Variants in ZNF70 observed in about 807,000 individuals in gnomAD.
ZNF70 encodes the protein zinc finger protein N27C7-1.
A neutral mutation model predicts 37.7 loss-of-function variants in ZNF70; 18 were observed. The ratio of observed to expected loss-of-function variants is 0.48; its 90% CI spans 0.33 to 0.71. The LOEUF (loss-of-function observed/expected upper bound fraction) is 0.71, where lower values mean the gene tolerates loss of function less well. Ranked by LOEUF, ZNF70 falls within the 30% of genes least tolerant of loss-of-function variation. The probability of loss-of-function intolerance (pLI) is 0.02; values close to 1 mark genes in which losing one functional copy is unlikely to be tolerated. For synonymous variants in ZNF70, 219 were observed against 220.1 expected (o/e 0.99, Z 0.05); for missense variants, 506 against 568.6 (o/e 0.89, Z 1.12).
In ZNF70 at chr22:23,742,663, C is replaced by G. The variant is rs370004093; in HGVS notation, c.*1137G>C. On this transcript the variant is annotated 3_prime_UTR_variant, in exon 2 of 2. Coordinates refer to ENST00000341976, the MANE Select transcript of ZNF70 (RefSeq NM_021916.4). ...GTGGGGCAGGGGTCACTCTGGGTCT[C>G]TGTCCTCAGTCACCATGACTGCTCA... 31 of 152,532 alleles carry G rather than the reference C, an allele frequency of 2.0e-4. No homozygotes were observed. Among genetic ancestry groups the G allele is most frequent in the African/African-American group, 7.2e-4 (30 of 41,596 alleles). The allele number at this position is 152,532 out of a possible 1,614,324, so 9.4% of individuals were successfully genotyped here.
chr22:23,743,450 T>A lies in ZNF70; in HGVS notation c.*350A>T, dbSNP rs779947947. On this transcript the variant is annotated 3_prime_UTR_variant, in exon 2 of 2. Coordinates refer to ENST00000341976, the MANE Select transcript of ZNF70 (RefSeq NM_021916.4). ...TTTTCCTGGGTTTAATTCAACTTTC[T>A]CCCTCTTGGCATTTATTCTTCTAGA... 3 of 238,878 alleles carry A rather than the reference T, an allele frequency of 1.3e-5. No homozygotes were observed. Among genetic ancestry groups the A allele is most frequent in the Non-Finnish European group, 2.4e-5 (3 of 123,498 alleles). 14.8% of individuals were successfully genotyped at this position (238,878 alleles called of 1,614,324 possible).
intron 1 of ZNF70, among the ~76,000 whole-genome samples, chr22:23,746,062 G>C (rs1212353206): frequency 1.3e-5 from 2 of 152,194 alleles, no homozygotes; most frequent in Non-Finnish European, 2.9e-5. Flanking sequence ...TCAGGCTTCA[G>C]AGCTACCTCC....
At position 23,739,653 on chromosome 22, in the gene ZNF70, T is replaced by A. The variant is rs1235800443; in HGVS notation, c.*4147A>T. The stretch of plus-strand genomic sequence containing the variant: ...TTGCCCTGTCACCCAGGCTGAAGGG[T>A]AGTGGCACAATCTTGGCTCACTGCA... On this transcript the variant is annotated 3_prime_UTR_variant, in exon 2 of 2. Coordinates refer to ENST00000341976, the MANE Select transcript of ZNF70 (RefSeq NM_021916.4). 7.2e-6 allele frequency: 1 copy of A among 139,538 alleles called. No homozygotes were observed. The highest frequency in any genetic ancestry group is 7.2e-5 in the Admixed American group (1 of 13,914). 8.6% of individuals were successfully genotyped at this position (139,538 alleles called of 1,614,324 possible). A position where few individuals can be genotyped will look rare whatever the true frequency, so the allele number is the denominator to read the frequency against.
At position 23,743,721 on chromosome 22, in the gene ZNF70, T is replaced by C. The variant is rs980100542; in HGVS notation, c.*79A>G. 24 of 1,519,466 alleles carry C rather than the reference T, an allele frequency of 1.6e-5. No individual in the cohort carries two copies. In the Admixed American group the frequency reaches 4.9e-4, roughly 31 times the overall value. The allele number at this position is 1,519,466 out of a possible 1,614,324, so 94.1% of individuals were successfully genotyped here. Reference sequence around the variant, plus strand: ...TTCCATTCAGCATCAGGGAGGTAGGTGGGGTCTTGGAGACCACGCGACGTG... The same window carrying C: ...TTCCATTCAGCATCAGGGAGGTAGGCGGGGTCTTGGAGACCACGCGACGTG... On this transcript the variant is annotated 3_prime_UTR_variant, in exon 2 of 2. Transcript: ENST00000341976.
rs1924951687 is a variant in ZNF70, at chr22:23,743,481, G to C, written c.*319C>G. On this transcript the variant is annotated 3_prime_UTR_variant, in exon 2 of 2. Coordinates refer to ENST00000341976, the MANE Select transcript of ZNF70 (RefSeq NM_021916.4). ...TTGGCATTTATTCTTCTAGATTCTGGGAAATGTGAAGACAGGGCAAAATGA... is the reference window on the plus strand; with the variant it reads ...TTGGCATTTATTCTTCTAGATTCTGCGAAATGTGAAGACAGGGCAAAATGA... 2 of 296,756 alleles carry C rather than the reference G, an allele frequency of 6.7e-6. No individual in the cohort carries two copies. The highest frequency in any genetic ancestry group is 1.2e-5 in the Non-Finnish European group (2 of 160,384). The allele number at this position is 296,756 out of a possible 1,614,324, so 18.4% of individuals were successfully genotyped here.
At position 23,744,016 on chromosome 22, in the gene ZNF70, GT is replaced by G; in HGVS notation, c.1124del (p.His375ProfsTer5). 6.2e-7 allele frequency: 1 copy of G among 1,614,086 alleles called. No homozygotes were observed. Among genetic ancestry groups the G allele is most frequent in the Non-Finnish European group, 8.5e-7 (1 of 1,180,012 alleles). On this transcript the variant is annotated frameshift_variant, in exon 2 of 2. Coordinates refer to ENST00000341976, the MANE Select transcript of ZNF70 (RefSeq NM_021916.4). LOFTEE classifies it high-confidence loss of function. ...TCTGGTGCTGGATCAGCGCAGAGCT[GT>G]GGCAAAAGGCCTTGCCACACTGACA... ...ECCQCGKAFC[H>X]SSALIQHQRI...
Position 23,743,722 on chromosome 22 carries a change from G to A in ZNF70, c.*78C>T. ...TCCATTCAGCATCAGGGAGGTAGGT[G>A]GGGTCTTGGAGACCACGCGACGTGG... On this transcript the variant is annotated 3_prime_UTR_variant, in exon 2 of 2. Transcript: ENST00000341976. The A allele has an allele frequency of 6.6e-7, 1 of 1,521,672 alleles. No individual in the cohort carries two copies. The highest frequency in any genetic ancestry group is 8.8e-7 in the Non-Finnish European group (1 of 1,134,664). The allele number at this position is 1,521,672 out of a possible 1,614,324, so 94.3% of individuals were successfully genotyped here. A position where few individuals can be genotyped will look rare whatever the true frequency, so the allele number is the denominator to read the frequency against.
In ZNF70 at chr22:23,742,175, G is replaced by A. The variant is rs1243283661; in HGVS notation, c.*1625C>T. 1 of 152,330 alleles carries A rather than the reference G, an allele frequency of 6.6e-6. No individual in the cohort carries two copies. The highest frequency in any genetic ancestry group is 1.9e-4 in the East Asian group (1 of 5,198). The allele number at this position is 152,330 out of a possible 1,614,324, so 9.4% of individuals were successfully genotyped here. ...AAGCAGGGGAATCGCTTGAACCCAG[G>A]AGGCAGAGCTTGCAGTAAGCCAAGA... is the stretch of plus-strand genomic sequence containing the variant. On this transcript the variant is annotated 3_prime_UTR_variant, in exon 2 of 2. Transcript: ENST00000341976.
In ZNF70 at chr22:23,744,569, G is replaced by T. The variant is rs780807006; in HGVS notation, c.572C>A (p.Thr191Asn). 16 of 1,613,466 alleles carry T rather than the reference G, an allele frequency of 9.9e-6. No homozygotes were observed. The highest frequency in any genetic ancestry group is 1.4e-5 in the Non-Finnish European group (16 of 1,179,796). The change falls in exon 2 of 2, where the codon ACC (threonine) becomes AAC (asparagine). Residue 191 changes from threonine to asparagine, a missense_variant. By Grantham distance (65) the Thr-to-Asn change is moderately conservative (BLOSUM62 0). Transcript: ENST00000341976. ...SHLLRHQIIH[T>N]GEKPYECREC... ...CCGGCACTCGTAGGGCTTCTCCCCG[G>T]TGTGGATGATCTGGTGCCTGAGCAG...
At position 23,743,598 on chromosome 22, in the gene ZNF70, T is replaced by C. The variant is rs1250248887; in HGVS notation, c.*202A>G. ...CCCTCCCTATCACCCCACCTTCCCTTCCATGCAGAAAACCTGCTGAGAGCT... is the reference window on the plus strand; with the variant it reads ...CCCTCCCTATCACCCCACCTTCCCTCCCATGCAGAAAACCTGCTGAGAGCT... On this transcript the variant is annotated 3_prime_UTR_variant, in exon 2 of 2. Transcript: ENST00000341976. 2 of 652,792 alleles carry C rather than the reference T, an allele frequency of 3.1e-6. No homozygotes were observed. The highest frequency in any genetic ancestry group is 5.0e-6 in the Non-Finnish European group (2 of 402,902). The allele number at this position is 652,792 out of a possible 1,614,324, so 40.4% of individuals were successfully genotyped here.
At chr22:23,747,606 C>G (rs996534753) in intron 1 of ZNF70, among the ~76,000 whole-genome samples, 2 of 152,074 alleles carry the variant, frequency 1.3e-5, no homozygotes, top group Non-Finnish European at 2.9e-5. Flanking sequence ...CCGAGGTGGG[C>G]AGATCACGAG....
intron 1 of ZNF70, among the ~76,000 whole-genome samples, chr22:23,745,450 G>A (rs964383714): frequency 2.6e-5 from 4 of 152,160 alleles, no homozygotes; most frequent in African/African-American, 9.7e-5. Flanking sequence ...TCAACGGGCT[G>A]AAGGTGTTCA....
rs1025679082 is a variant in ZNF70 at position 23,741,689 on chromosome 22, C to G, written c.*2111G>C. Reference sequence around the variant, plus strand: ...CCATGATGAGTTCATGTTAGCCCAGCCATAAATGTTTAGGAAACTTCAAAA... The same window carrying G: ...CCATGATGAGTTCATGTTAGCCCAGGCATAAATGTTTAGGAAACTTCAAAA... On this transcript the variant is annotated 3_prime_UTR_variant, in exon 2 of 2. Transcript: ENST00000341976. The G allele has an allele frequency of 3.3e-5, 5 of 152,246 alleles. No homozygotes were observed. 9.4% of individuals were successfully genotyped at this position (152,246 alleles called of 1,614,324 possible).
Position 23,744,716 on chromosome 22 carries a change from C to A in ZNF70, c.425G>T (p.Cys142Phe). ...RTPQPAKPYA[C>F]RECGKAFSQS... ...GCTGAAGGCCTTCCCACACTCTCGA[C>A]ACGCATAGGGCTTGGCTGGTTGTGG... The change falls in exon 2 of 2, where the codon TGT becomes TTT. Residue 142 changes from cysteine to phenylalanine, a missense_variant. By Grantham distance (205) the Cys-to-Phe change is radical. Transcript: ENST00000341976. 2 of 1,614,254 alleles carry A rather than the reference C, an allele frequency of 1.2e-6. No homozygotes were observed. Among genetic ancestry groups the A allele is most frequent in the South Asian group, 1.1e-5 (1 of 91,084 alleles).
In ZNF70 at chr22:23,744,158, T is replaced by C. The variant is rs1281068259; in HGVS notation, c.983A>G (p.Lys328Arg). 1 of 1,613,526 alleles carries C rather than the reference T, an allele frequency of 6.2e-7. No homozygotes were observed. Among genetic ancestry groups the C allele is most frequent in the African/African-American group, 1.3e-5 (1 of 74,762 alleles). The change falls in exon 2 of 2, where the codon AAG (lysine) becomes AGG (arginine). Residue 328 changes from lysine to arginine, a missense_variant. Physicochemically the swap from Lys to Arg is conservative, Grantham distance 26. Coordinates refer to ENST00000341976, the MANE Select transcript of ZNF70 (RefSeq NM_021916.4). ...SQSSNLIEHR[K>R]THTGEKPYKC... ...GTAGGGCTTCTCGCCAGTGTGGGTC[T>C]TGCGGTGCTCAATGAGGTTGGAGCT...
rs1924808724 is a variant in ZNF70, at chr22:23,739,403, G to C, written c.*4397C>G. 6.6e-6 allele frequency: 1 copy of C among 151,928 alleles called. No homozygotes were observed. Among genetic ancestry groups the C allele is most frequent in the African/African-American group, 2.4e-5 (1 of 41,358 alleles). The allele number at this position is 151,928 out of a possible 1,614,324, so 9.4% of individuals were successfully genotyped here. ...CCATTCTCCTGCCTCAGCCTCCCAAGTAGCTGGGACTACAGGCGCACAGCT... is the reference window on the plus strand; with the variant it reads ...CCATTCTCCTGCCTCAGCCTCCCAACTAGCTGGGACTACAGGCGCACAGCT... On this transcript the variant is annotated 3_prime_UTR_variant, in exon 2 of 2. Coordinates refer to ENST00000341976, the MANE Select transcript of ZNF70 (RefSeq NM_021916.4).
rs1234546026 is a variant in ZNF70, at chr22:23,743,970, G to A, written c.1171C>T (p.Pro391Ser). The A allele has an allele frequency of 1.2e-6, 2 of 1,614,186 alleles. No homozygotes were observed. Among genetic ancestry groups the A allele is most frequent in the Non-Finnish European group, 1.7e-6 (2 of 1,180,010 alleles). ...QHQRIHTGKK[P>S]YTCECGKAFR... Reference sequence around the variant, plus strand: ...GCTTTGCCACACTCGCAGGTGTAGGGCTTCTTGCCGGTGTGGATTCTCTGG... The same window carrying A: ...GCTTTGCCACACTCGCAGGTGTAGGACTTCTTGCCGGTGTGGATTCTCTGG... The change falls in exon 2 of 2, where the codon CCC (proline) becomes TCC (serine). Residue 391 changes from proline (P) to serine (S), a missense_variant. Physicochemically the swap from Pro to Ser is moderately conservative, Grantham distance 74. Transcript: ENST00000341976.
chr22:23,744,973 C>G lies in ZNF70; in HGVS notation c.168G>C (p.Gln56His). 1 of 1,614,194 alleles carries G rather than the reference C, an allele frequency of 6.2e-7. No individual in the cohort carries two copies. The highest frequency in any genetic ancestry group is 2.2e-5 in the East Asian group (1 of 44,882). ...CCTCGTAATCATCATTTTCTTCGTCCTGCTCACCAAGAGGGATCTCCTTGT... is the reference window on the plus strand; with the variant it reads ...CCTCGTAATCATCATTTTCTTCGTCGTGCTCACCAAGAGGGATCTCCTTGT... Reference protein sequence around the residue: ...VIYKEIPLGEQDEENDDYEGN... With the variant: ...VIYKEIPLGEHDEENDDYEGN... Residue 56 changes from glutamine to histidine, a missense_variant, in exon 2 of 2, where the codon CAG becomes CAC. Transcript: ENST00000341976.
intron 1 of ZNF70, among the ~76,000 whole-genome samples, chr22:23,748,249 A>T (rs1228315485): frequency 6.6e-6 from 1 of 151,540 alleles, no homozygotes; most frequent in African/African-American, 2.4e-5. Flanking sequence ...GGAAAAAAAA[A>T]TTTTTTTTGA....
Sources: gnomAD v4.1 joint callset for allele counts (sites outside exome capture counted in the v4.1 genomes callset) on GRCh38, gnomAD v4.1.1 for gene constraint, MANE v1.5 for transcripts, NCBI Gene and HGNC (gene_info 2026-07-23, HGNC 2026-07-21) for gene names.